The following RRM2B variants were observed in gnomAD, a reference collection of about 807,000 sequenced individuals.
The protein encoded by RRM2B is ribonucleotide reductase regulatory TP53 inducible subunit M2B.
Under a neutral mutation model 45.9 loss-of-function variants are expected in RRM2B, and 20 were observed. That is an observed-to-expected ratio of 0.44 (90% CI 0.31 to 0.63). The LOEUF (loss-of-function observed/expected upper bound fraction) is 0.63, where lower values mean the gene tolerates loss of function less well. RRM2B is among the 30% of genes least tolerant of loss of function. RRM2B has a pLI of 0.09. For synonymous variants in RRM2B, 124 were observed against 132.3 expected (o/e 0.94, Z 0.43); for missense variants, 320 against 414.7 (o/e 0.77, Z 1.98).
chr8:102,215,045 T>TAAAA (rs3063793), intron 6 of RRM2B, among the ~76,000 whole-genome samples: 17 of 61,748 alleles, frequency 2.8e-4, no homozygotes, highest in South Asian at 5.4e-4. Flanking sequence ...AGCTAAATAT[T>TAAAA]AAAAAAAAAA....
intron 2 of RRM2B, among the ~76,000 whole-genome samples, chr8:102,230,971 C>A (rs1332499314): frequency 6.6e-6 from 1 of 152,178 alleles, no homozygotes; most frequent in Non-Finnish European, 1.5e-5. Flanking sequence ...GGCAGTCTGA[C>A]CCCATAGCCT....
At chr8:102,212,044 T>C (rs1322011497) in intron 8 of RRM2B, among the ~76,000 whole-genome samples, 1 of 152,246 alleles carries the variant, frequency 6.6e-6, no homozygotes, top group African/African-American at 2.4e-5. Flanking sequence ...ACATAGTGAA[T>C]TTCTGTGTTT....
chr8:102,214,388 T>C lies in RRM2B; in HGVS notation c.685-230A>G, dbSNP rs183531352. The C allele has an allele frequency of 1.2e-5, 6 of 510,288 alleles. No homozygotes were observed. The East Asian group carries it at 1.6e-4, about 14-fold the overall frequency. The allele number at this position is 510,288 out of a possible 1,614,324, so 31.6% of individuals were successfully genotyped here. A position where few individuals can be genotyped will look rare whatever the true frequency, so the allele number is the denominator to read the frequency against. On this transcript the variant is annotated intron_variant, in intron 6 of 8. Transcript: ENST00000251810. ...GCCAGCAAATCTTAGTTCATCAACA[T>C]TATAGAAAAATTAATTTATGAACAA...
At chr8:102,230,360 T>G (rs1400514683) in intron 2 of RRM2B, among the ~76,000 whole-genome samples, 1 of 152,258 alleles carries the variant, frequency 6.6e-6, no homozygotes, top group African/African-American at 2.4e-5. Context: ...AAAATTAGTG[T>G]TGCTTTGTTA....
chr8:102,221,502 TC>T (rs1237026135), intron 5 of RRM2B, among the ~76,000 whole-genome samples: 10 of 152,126 alleles, frequency 6.6e-5, no homozygotes, highest in African/African-American at 2.4e-4. Context: ...AGGCAATATT[TC>T]CATGTTACTG....
rs1376047291 is a variant in RRM2B at position 102,238,853 on chromosome 8, C to G, written c.22G>C (p.Glu8Gln). 1 of 1,613,018 alleles carries G rather than the reference C, an allele frequency of 6.2e-7. No individual in the cohort carries two copies. Residue 8 changes from glutamate (E) to glutamine (Q), a missense_variant, in exon 1 of 9, where the codon GAA becomes CAA. Transcript: ENST00000251810. MGDPERP[E>Q]AAGLDQDERS... ...TCATCCTGATCCAGCCCGGCCGCTT[C>G]CGGCCTTTCCGGGTCGCCCATCGCG...
At chr8:102,224,186 CTT>C (rs372636442) in intron 4 of RRM2B, 46 bp from the exon 5 acceptor site, 3,215 of 1,032,144 alleles carry the variant, frequency 3.1e-3, no homozygotes, top group Middle Eastern at 3.6e-3. Flanking sequence ...ACTTGTTTTT[CTT>C]TTTTTTTTTT....
At position 102,208,082 on chromosome 8, in the gene RRM2B, G is replaced by C. The variant is rs537633418; in HGVS notation, c.*51C>G. 1.3e-6 allele frequency: 2 copies of C among 1,505,944 alleles called. No homozygotes were observed. The highest frequency in any genetic ancestry group is 2.8e-5 in the African/African-American group (2 of 72,134). 93.3% of individuals were successfully genotyped at this position (1,505,944 alleles called of 1,614,324 possible). ...AATTTTTTTTAAGCAGAGGAAAATA[G>C]ACTACTATTTACCAATGACAAGTTT... On this transcript the variant is annotated 3_prime_UTR_variant, in exon 9 of 9. Transcript: ENST00000251810.
intron 2 of RRM2B, 117 bp downstream of exon 2, chr8:102,232,032 T>C: frequency 1.0e-6 from 1 of 983,582 alleles, no homozygotes; most frequent in Non-Finnish European, 1.6e-6. Flanking sequence ...ATTCCAACAC[T>C]TATCTTCTAC....
intron 1 of RRM2B, among the ~76,000 whole-genome samples, chr8:102,237,797 A>T (rs1178205675): frequency 6.6e-6 from 1 of 152,216 alleles, no homozygotes; most frequent in East Asian, 1.9e-4. Flanking sequence ...CTTGAGGGAT[A>T]TTTACAGTTA....
At position 102,238,820 on chromosome 8, in the gene RRM2B, C is replaced by T. The variant is rs1563670037; in HGVS notation, c.48+7G>A. On this transcript the variant is annotated splice_region_variant and intron_variant, in intron 1 of 8. Transcript: ENST00000251810. ...GGTGAGGGGGAAGACGCAACAGCAA[C>T]ATTTACCTCATCCTGATCCAGCCCG... The T allele has an allele frequency of 3.1e-6, 5 of 1,613,826 alleles. No homozygotes were observed. Among genetic ancestry groups the T allele is most frequent in the Non-Finnish European group, 3.4e-6 (4 of 1,179,932 alleles).
chr8:102,237,607 A>C (rs187657883), intron 1 of RRM2B, among the ~76,000 whole-genome samples: 1 of 152,354 alleles, frequency 6.6e-6, no homozygotes, highest in African/African-American at 2.4e-5. Flanking sequence ...TCTGAATCTA[A>C]AATTCTGTCT....
At position 102,225,097 on chromosome 8, in the gene RRM2B, C is replaced by T; in HGVS notation, c.322-79G>A. ...CTGCAAATCAGAATCTGGACATCAG[C>T]ATTATCGCTTAAAAACTGCCTGTCA... On this transcript the variant is annotated intron_variant, in intron 3 of 8. Transcript: ENST00000251810. 5 of 1,491,504 alleles carry T rather than the reference C, an allele frequency of 3.4e-6. No individual in the cohort carries two copies. In the South Asian group the frequency reaches 4.6e-5, roughly 14 times the overall value. 92.4% of individuals were successfully genotyped at this position (1,491,504 alleles called of 1,614,324 possible). A position where few individuals can be genotyped will look rare whatever the true frequency, so the allele number is the denominator to read the frequency against.
intron 2 of RRM2B, among the ~76,000 whole-genome samples, chr8:102,228,909 G>T (rs1209936205): frequency 6.6e-6 from 1 of 152,224 alleles, no homozygotes; most frequent in African/African-American, 2.4e-5. Context: ...TTAACTTCAT[G>T]AACAGTTGAA....
chr8:102,224,251 G>A (rs986336454), intron 4 of RRM2B, 111 bp from the exon 5 acceptor site: 11 of 708,530 alleles, frequency 1.6e-5, no homozygotes, highest in Admixed American at 6.2e-5. Context: ...GCACGATCTC[G>A]GCTCACTGCA....
rs1377490515 is a variant in RRM2B at position 102,232,059 on chromosome 8, T to C, written c.204+90A>G. 3.5e-5 allele frequency: 40 copies of C among 1,138,838 alleles called. No individual in the cohort carries two copies. In the South Asian group the frequency reaches 4.7e-4, roughly 13 times the overall value. 70.5% of individuals were successfully genotyped at this position (1,138,838 alleles called of 1,614,324 possible). On this transcript the variant is annotated intron_variant, in intron 2 of 8. Transcript: ENST00000251810. ...ATCTTCTACAACTGATCTTCTTCAA[T>C]GTATAAGTTAAAGTTATTCAATATC...
intron 2 of RRM2B, among the ~76,000 whole-genome samples, chr8:102,228,451 T>G (rs1810972165): frequency 6.6e-6 from 1 of 152,216 alleles, no homozygotes; most frequent in South Asian, 2.1e-4. Context: ...GCCACAGGTG[T>G]GGATGCTAAA....
chr8:102,238,876 G>C lies in RRM2B; in HGVS notation c.-2C>G, dbSNP rs762851256. ...TTCCGGCCTTTCCGGGTCGCCCATC[G>C]CGCAGACTCCGCCGAAGCTACGGGC... On this transcript the variant is annotated 5_prime_UTR_variant, in exon 1 of 9. Coordinates refer to ENST00000251810, the MANE Select transcript of RRM2B (RefSeq NM_015713.5). 1.9e-5 allele frequency: 31 copies of C among 1,611,494 alleles called. No homozygotes were observed. Among genetic ancestry groups the C allele is most frequent in the Non-Finnish European group, 2.5e-5 (29 of 1,179,870 alleles).
At chr8:102,228,441 G>A (rs1428474788) in intron 2 of RRM2B, among the ~76,000 whole-genome samples, 9 of 152,218 alleles carry the variant, frequency 5.9e-5, no homozygotes, top group Non-Finnish European at 4.4e-5. Flanking sequence ...GAGCGTGGGT[G>A]CCACAGGTGT....
Sources: allele counts gnomAD v4.1 joint callset (sites outside exome capture counted in the v4.1 genomes callset), GRCh38; gene constraint gnomAD v4.1.1; transcripts MANE v1.5; gene names NCBI Gene and HGNC (gene_info 2026-07-23, HGNC 2026-07-21).